Variants in ATAD2B observed in about 807,000 individuals in gnomAD.
ATAD2B encodes ATPase family AAA domain containing 2B.
Under a neutral mutation model 167.6 loss-of-function variants are expected in ATAD2B, and 40 were observed. That is an observed-to-expected ratio of 0.24 (90% confidence interval 0.19 to 0.31). The LOEUF (loss-of-function observed/expected upper bound fraction) is 0.31. Ranked by LOEUF, ATAD2B falls within the 10% of genes least tolerant of loss-of-function variation. ATAD2B has a pLI of 1.00. For missense variants in ATAD2B, 1,242 were observed against 1,757.2 expected (o/e 0.71, Z 5.24); for synonymous variants, 579 against 596.5 (o/e 0.97, Z 0.43).
the ATAD2B span, chr2:23,706,907 T>C: frequency 2.3e-6 from 1 of 431,824 alleles, no homozygotes; most frequent in Admixed American, 4.3e-5. Context: ...GGCTGCCTCC[T>C]GAACAGGGGC....
At chr2:23,874,475 T>A (rs149464603) in intron 8 of ATAD2B, among the ~76,000 whole-genome samples, 1 of 152,224 alleles carries the variant, frequency 6.6e-6, no homozygotes, top group Admixed American at 6.5e-5. Flanking sequence ...TCCCAGCACT[T>A]TGGGATCACT....
chr2:23,712,235 T>C, the ATAD2B span, among the ~76,000 whole-genome samples: 4 of 152,032 alleles, frequency 2.6e-5, no homozygotes, highest in African/African-American at 7.2e-5. Flanking sequence ...ACAATCCTCC[T>C]CCCCAGGCTA....
At chr2:23,844,015 C>CGCAA (rs940501085) in intron 13 of ATAD2B, among the ~76,000 whole-genome samples, 16 of 152,160 alleles carry the variant, frequency 1.1e-4, no homozygotes, top group African/African-American at 3.6e-4. Flanking sequence ...CTCAGCTCAC[C>CGCAA]GCAACCTCCA....
At chr2:23,880,490 G>C (rs1697714436) in intron 7 of ATAD2B, 149 bp downstream of exon 7, 1 of 581,946 alleles carries the variant, frequency 1.7e-6, no homozygotes, top group Non-Finnish European at 3.0e-6. Context: ...ATAAACCCAG[G>C]AGGCACAGCT....
chr2:23,696,196 G>T, the ATAD2B span: 1 of 1,511,480 alleles, frequency 6.6e-7, no homozygotes, highest in Non-Finnish European at 8.9e-7. This position sits in a 1 kb window ranked among gnomAD's most constrained non-coding sequence, Gnocchi z 5.5. Flanking sequence ...TGCTCCCCAC[G>T]TCAGGGCTGA....
chr2:23,864,817 C>A lies in ATAD2B; in HGVS notation c.1296G>T (p.Gln432His). 6.5e-7 allele frequency: 1 copy of A among 1,540,078 alleles called. No individual in the cohort carries two copies. The highest frequency in any genetic ancestry group is 8.8e-7 in the Non-Finnish European group (1 of 1,130,842). The change falls in exon 11 of 28, where the codon CAG (glutamine) becomes CAT (histidine). Residue 432 changes from glutamine to histidine, a missense_variant. This residue lies in a region of ATAD2B where 151 missense variants were observed against 284.1 expected (regional missense o/e 0.53). Coordinates refer to ENST00000238789, the MANE Select transcript of ATAD2B (RefSeq NM_017552.4). ...TCTATGACATTGCTTACCTTGGAGGCTGAATTTTAAACTTTTCAAAAATTT... is the reference window on the plus strand; with the variant it reads ...TCTATGACATTGCTTACCTTGGAGGATGAATTTTAAACTTTTCAAAAATTT... ...YPEIFEKFKI[Q>H]PPRGCLFYGP...
intron 12 of ATAD2B, among the ~76,000 whole-genome samples, chr2:23,859,815 G>GC (rs928383676): frequency 6.6e-6 from 1 of 151,692 alleles, no homozygotes; most frequent in African/African-American, 2.4e-5. Flanking sequence ...ACGCGTGGCG[G>GC]GGGGGGCACC....
chr2:23,734,638 A>G, the ATAD2B span, among the ~76,000 whole-genome samples: 9 of 152,108 alleles, frequency 5.9e-5, no homozygotes, highest in African/African-American at 1.9e-4. Flanking sequence ...GAGGTGCTAC[A>G]TGCTTTTAAA....
intron 25 of ATAD2B, among the ~76,000 whole-genome samples, chr2:23,756,239 C>T (rs1675937481): frequency 6.6e-6 from 1 of 152,080 alleles, no homozygotes; most frequent in Admixed American, 6.6e-5. Flanking sequence ...GCTCTGAAAA[C>T]TATTTTAGTA....
At chr2:23,828,204 A>T (rs1412884464) in intron 15 of ATAD2B, among the ~76,000 whole-genome samples, 7 of 152,212 alleles carry the variant, frequency 4.6e-5, no homozygotes, top group African/African-American at 1.7e-4. Context: ...TTCAGACCTA[A>T]TTAGAGCCAA....
At chr2:23,886,764 T>C (rs539221544) in intron 4 of ATAD2B, among the ~76,000 whole-genome samples, 59 of 150,382 alleles carry the variant, frequency 3.9e-4, no homozygotes, top group Non-Finnish European at 6.8e-4. Context: ...ACCCCATCTC[T>C]ACTAAAAATA....
chr2:23,915,832 C>A (rs543948397), intron 1 of ATAD2B, among the ~76,000 whole-genome samples: 1 of 152,046 alleles, frequency 6.6e-6, no homozygotes, highest in African/African-American at 2.4e-5. Context: ...ACCTCATGAT[C>A]CGCCTGCCTC....
intron 13 of ATAD2B, among the ~76,000 whole-genome samples, chr2:23,837,233 A>T (rs994664352): frequency 5.3e-5 from 8 of 152,346 alleles, no homozygotes; most frequent in African/African-American, 1.9e-4. Context: ...AACAACACCC[A>T]GGCTTGGCCC....
At chr2:23,800,317 T>C (rs1683280478) in intron 18 of ATAD2B, among the ~76,000 whole-genome samples, 1 of 152,120 alleles carries the variant, frequency 6.6e-6, no homozygotes, top group African/African-American at 2.4e-5. Context: ...ATGCCCAGGG[T>C]ATGAGAGAGA....
At chr2:23,913,951 A>G (rs901665393) in intron 1 of ATAD2B, among the ~76,000 whole-genome samples, 4 of 152,192 alleles carry the variant, frequency 2.6e-5, no homozygotes, top group East Asian at 3.9e-4. Flanking sequence ...TGGGTGACAG[A>G]GCAGGACCCT....
At chr2:23,899,063 G>T (rs940241924) in intron 1 of ATAD2B, among the ~76,000 whole-genome samples, 2 of 152,136 alleles carry the variant, frequency 1.3e-5, no homozygotes, top group Non-Finnish European at 2.9e-5. Context: ...CAGGAGAATT[G>T]CTTGAATCCG....
At chr2:23,899,969 G>A (rs527861174) in intron 1 of ATAD2B, among the ~76,000 whole-genome samples, 2 of 139,956 alleles carry the variant, frequency 1.4e-5, no homozygotes, top group South Asian at 2.3e-4. Context: ...TGTCGCCCAG[G>A]CTGGGGTACA....
chr2:23,904,767 A>G (rs570081315), intron 1 of ATAD2B, among the ~76,000 whole-genome samples: 2 of 152,286 alleles, frequency 1.3e-5, no homozygotes, highest in South Asian at 4.1e-4. Flanking sequence ...GGCTTTTTGT[A>G]TACTTTTTTT....
chr2:23,737,649 C>A, the ATAD2B span, among the ~76,000 whole-genome samples: 1 of 152,340 alleles, frequency 6.6e-6, no homozygotes, highest in South Asian at 2.1e-4. Flanking sequence ...ACCTCTCCTC[C>A]TCCAAAGGAA....
Sources: gnomAD v4.1 joint callset for allele counts (sites outside exome capture counted in the v4.1 genomes callset) on GRCh38, gnomAD v4.1.1 for gene constraint, gnomAD v4.1.1 regional missense constraint, Gnocchi (gnomAD v3.1) non-coding constraint, MANE v1.5 for transcripts, NCBI Gene and HGNC (gene_info 2026-07-23, HGNC 2026-07-21) for gene names.